Variants in SRPK1 observed in about 807,000 individuals in gnomAD.
SRPK1 encodes SRSF protein kinase 1, also known as SFRS protein kinase 1.
Under a neutral mutation model 89.5 loss-of-function variants are expected in SRPK1, and 52 were observed. The observed-to-expected ratio is 0.58, with a 90% CI of 0.46 to 0.73. SRPK1 has a LOEUF of 0.73. Among genes scored for constraint, SRPK1 ranks in the 30% least tolerant of loss-of-function variants. The probability of loss-of-function intolerance (pLI) is 0.00; values close to 1 mark genes in which losing one functional copy is unlikely to be tolerated. For missense variants in SRPK1, 603 were observed against 780.6 expected, an observed-to-expected ratio of 0.77 and a Z score of 2.71; for synonymous variants, 255 against 270.2, an observed-to-expected ratio of 0.94 and a Z score of 0.55.
At chr6:35,836,422 TA>T (rs1769181429) in intron 15 of SRPK1, among the ~76,000 whole-genome samples, 1 of 152,106 alleles carries the variant, frequency 6.6e-6, no homozygotes, top group African/African-American at 2.4e-5. Flanking sequence ...TTTTAAAAGA[TA>T]GTCAATTATT....
chr6:35,874,014 A>T (rs1770101681), intron 7 of SRPK1, among the ~76,000 whole-genome samples: 2 of 150,434 alleles, frequency 1.3e-5, no homozygotes, highest in African/African-American at 4.9e-5. Flanking sequence ...TTTTGAGTAG[A>T]GAGGAGGTTT....
intron 2 of SRPK1, among the ~76,000 whole-genome samples, chr6:35,907,721 A>T (rs1226336900): frequency 6.6e-6 from 1 of 152,164 alleles, no homozygotes. Context: ...ATAAAAAATA[A>T]AAAATAAAAA....
At chr6:35,847,483 C>T (rs986152627) in intron 13 of SRPK1, among the ~76,000 whole-genome samples, 5 of 152,144 alleles carry the variant, frequency 3.3e-5, no homozygotes, top group African/African-American at 9.7e-5. Context: ...GCTGGGATTA[C>T]AGGCATAAGC....
intron 13 of SRPK1, among the ~76,000 whole-genome samples, chr6:35,850,806 T>C (rs1033181676): frequency 6.6e-6 from 1 of 152,132 alleles, no homozygotes; most frequent in African/African-American, 2.4e-5. Flanking sequence ...AGAAAAGTGA[T>C]AAAGTGGGGG....
At chr6:35,839,630 G>GCC (rs368355168) in intron 14 of SRPK1, among the ~76,000 whole-genome samples, 1 of 133,208 alleles carries the variant, frequency 7.5e-6, no homozygotes, top group Non-Finnish European at 1.6e-5. Flanking sequence ...TAGATCTACT[G>GCC]CCCCCCCCCT....
chr6:35,895,686 C>G (rs1434688962), intron 2 of SRPK1: 1 of 152,180 alleles, frequency 6.6e-6, no homozygotes, highest in Non-Finnish European at 1.5e-5. Context: ...CATAAGATCC[C>G]CATTTCAGAG....
chr6:35,858,683 T>C (rs1277168160), intron 12 of SRPK1, among the ~76,000 whole-genome samples: 1 of 149,162 alleles, frequency 6.7e-6, no homozygotes, highest in Non-Finnish European at 1.5e-5. Context: ...CCCAATCTCA[T>C]ACCCTTTCTC....
chr6:35,843,390 C>T (rs980985213), intron 13 of SRPK1, among the ~76,000 whole-genome samples: 1 of 151,582 alleles, frequency 6.6e-6, no homozygotes, highest in Non-Finnish European at 1.5e-5. Flanking sequence ...TTGACAAGTA[C>T]ATCATTAACT....
chr6:35,906,434 A>G (rs138642194), intron 2 of SRPK1, among the ~76,000 whole-genome samples: 2 of 152,354 alleles, frequency 1.3e-5, no homozygotes, highest in African/African-American at 4.8e-5. Context: ...CATGTTGGCC[A>G]GGCTGGTGTC....
intron 2 of SRPK1, among the ~76,000 whole-genome samples, chr6:35,895,435 TTG>T (rs10566123): frequency 0.65 from 96,001 of 147,694 alleles, 31,231 homozygotes; most frequent in East Asian, 0.8. Flanking sequence ...AGGCATATGC[TTG>T]TGTGTGTGTG....
chr6:35,880,985 G>C (rs1159474194), intron 6 of SRPK1, among the ~76,000 whole-genome samples: 1 of 151,924 alleles, frequency 6.6e-6, no homozygotes, highest in Admixed American at 6.6e-5. Context: ...TCCTCACTAA[G>C]ATTATCAGCA....
chr6:35,871,874 T>G (rs542198837), intron 8 of SRPK1, among the ~76,000 whole-genome samples: 110 of 152,210 alleles, frequency 7.2e-4, no homozygotes, highest in Middle Eastern at 6.8e-3. Flanking sequence ...CCTGAGTAAA[T>G]GGACTACAGG....
At chr6:35,872,443 T>C (rs1406951020) in intron 8 of SRPK1, 120 bp downstream of exon 8, 3 of 944,050 alleles carry the variant, frequency 3.2e-6, no homozygotes, top group Non-Finnish European at 4.4e-6. Context: ...GCTGATAATG[T>C]TTCTTAAATA....
Position 35,857,267 on chromosome 6 carries a change from T to G in SRPK1, c.1614A>C (p.Ala538=). 1.2e-6 allele frequency: 2 copies of G among 1,610,812 alleles called. No homozygotes were observed. Among genetic ancestry groups the G allele is most frequent in the South Asian group, 1.1e-5 (1 of 90,436 alleles). Residue 538 remains alanine, a synonymous_variant, in exon 13 of 16, where the codon GCA becomes GCC. Transcript: ENST00000373825. ...YNTPADIWST[A]CMAFELATGD... is the part of the protein sequence containing the mutation. ...CAAGGGGAAAAAACATTACCATGCA[T>G]GCCGTGCTCCAAATGTCAGCAGGGG...
At chr6:35,880,779 C>G (rs1170043112) in intron 6 of SRPK1, among the ~76,000 whole-genome samples, 1 of 64,458 alleles carries the variant, frequency 1.6e-5, no homozygotes, top group South Asian at 5.6e-4. Context: ...AATGGCCAGA[C>G]AGAATATTTG....
At chr6:35,881,068 A>C (rs1770278025) in intron 6 of SRPK1, among the ~76,000 whole-genome samples, 1 of 152,142 alleles carries the variant, frequency 6.6e-6, no homozygotes, top group South Asian at 2.1e-4. Flanking sequence ...AAGAAAAATA[A>C]TGTCAACCAA....
In SRPK1 at chr6:35,874,144, T is replaced by C. The variant is rs368357429; in HGVS notation, c.585+89A>G. On this transcript the variant is annotated intron_variant, in intron 7 of 15. Coordinates refer to ENST00000373825, the MANE Select transcript of SRPK1 (RefSeq NM_003137.5). ...ACCCGGCCTTAAAACAAAAATTCTA[T>C]TGGAAAAAATAAAGTCCTGACACTT... The C allele has an allele frequency of 2.2e-5, 25 of 1,150,242 alleles. No homozygotes were observed. In the Admixed American group the frequency reaches 2.3e-4, roughly 11 times the overall value. 71.3% of individuals were successfully genotyped at this position (1,150,242 alleles called of 1,614,324 possible). A position where few individuals can be genotyped will look rare whatever the true frequency, so the allele number is the denominator to read the frequency against.
At chr6:35,871,760 TAGAC>T (rs758860670) in intron 8 of SRPK1, among the ~76,000 whole-genome samples, 18 of 152,344 alleles carry the variant, frequency 1.2e-4, no homozygotes, top group Non-Finnish European at 1.9e-4. Flanking sequence ...TTTTATGTCT[TAGAC>T]AGGGTCTCAC....
chr6:35,905,575 A>G (rs1000085400), intron 2 of SRPK1, among the ~76,000 whole-genome samples: 1 of 152,240 alleles, frequency 6.6e-6, no homozygotes, highest in Non-Finnish European at 1.5e-5. Flanking sequence ...ATAATCCTAC[A>G]GCAAGGAACT....
Sources: allele counts gnomAD v4.1 joint callset (sites outside exome capture counted in the v4.1 genomes callset), GRCh38; gene constraint gnomAD v4.1.1; transcripts MANE v1.5; gene names NCBI Gene and HGNC (gene_info 2026-07-23, HGNC 2026-07-21).